GHR: variants seen among roughly 807,000 people sequenced by gnomAD.
The protein encoded by GHR is GH receptor.
In GHR, 35 loss-of-function variants were observed where a neutral mutation model predicts 67.1. That is an observed-to-expected ratio of 0.52 (90% CI 0.40 to 0.69). GHR has a LOEUF of 0.69. GHR is among the 30% of genes least tolerant of loss of function. GHR has a pLI of 0.00. For missense variants in GHR, 792 were observed against 764.6 expected, an observed-to-expected ratio of 1.04 and a Z score of -0.42; for synonymous variants, 272 against 269.1, an observed-to-expected ratio of 1.01 and a Z score of -0.10.
rs190314158 is a variant in GHR at position 42,695,014 on chromosome 5, T to C, written c.364T>C (p.Trp122Arg). The change falls in exon 5 of 10, where the codon TGG becomes CGG. Residue 122 changes from tryptophan to arginine, a missense_variant. Trp to Arg is a moderately radical substitution (Grantham distance 101). Transcript: ENST00000230882. ...CTTTAATTCATCGTTTACCTCCATCTGGATACCTTATTGTATCAAGCTAAC... is the reference window on the plus strand; with the variant it reads ...CTTTAATTCATCGTTTACCTCCATCCGGATACCTTATTGTATCAAGCTAAC... Reference protein sequence around the residue: ...CYFNSSFTSIWIPYCIKLTSN... With the variant: ...CYFNSSFTSIRIPYCIKLTSN... 1.9e-6 allele frequency: 3 copies of C among 1,609,910 alleles called. No homozygotes were observed. Among genetic ancestry groups the C allele is most frequent in the Non-Finnish European group, 1.7e-6 (2 of 1,176,178 alleles).
At chr5:42,439,522 G>A (rs905116166) in intron 1 of GHR, among the ~76,000 whole-genome samples, 22 of 152,186 alleles carry the variant, frequency 1.4e-4, no homozygotes, top group African/African-American at 5.1e-4. Context: ...CTTGGACTTT[G>A]ATTAATATCT....
intron 2 of GHR, among the ~76,000 whole-genome samples, chr5:42,571,459 C>T (rs902280672): frequency 6.6e-5 from 10 of 152,152 alleles, no homozygotes; most frequent in African/African-American, 2.4e-4. Context: ...TTTGTCATTG[C>T]TAGAGTATGT....
At chr5:42,477,952 C>T (rs908648155) in intron 1 of GHR, among the ~76,000 whole-genome samples, 26 of 151,910 alleles carry the variant, frequency 1.7e-4, no homozygotes, top group Non-Finnish European at 3.5e-4. Flanking sequence ...ACATGAAGTC[C>T]TTGCCCATGC....
At chr5:42,697,830 TAG>T (rs1757751746) in intron 5 of GHR, among the ~76,000 whole-genome samples, 1 of 151,922 alleles carries the variant, frequency 6.6e-6, no homozygotes, top group African/African-American at 2.4e-5. Context: ...GCATGGAGAA[TAG>T]ACTGGAGGGG....
chr5:42,628,115 C>T (rs1362409666), intron 2 of GHR, among the ~76,000 whole-genome samples: 1 of 152,164 alleles, frequency 6.6e-6, no homozygotes. Flanking sequence ...CTCTCTCTGC[C>T]GCATCATTTC....
intron 1 of GHR, among the ~76,000 whole-genome samples, chr5:42,560,226 G>A (rs933925734): frequency 1.3e-5 from 2 of 152,060 alleles, no homozygotes; most frequent in African/African-American, 2.4e-5. Context: ...ACAGAGTCTC[G>A]CTCTGTTGCC....
chr5:42,548,316 G>T (rs1021755086), intron 1 of GHR: 9 of 985,120 alleles, frequency 9.1e-6, no homozygotes, highest in Non-Finnish European at 9.6e-6. Context: ...AGAATTTAGA[G>T]ATTAATACAT....
chr5:42,564,424 G>A (rs1749814336), intron 1 of GHR, among the ~76,000 whole-genome samples: 1 of 152,052 alleles, frequency 6.6e-6, no homozygotes, highest in Admixed American at 6.5e-5. Context: ...CTCACAAAGT[G>A]TGTTCATCTG....
intron 1 of GHR, among the ~76,000 whole-genome samples, chr5:42,474,855 TACA>T (rs1245402256): frequency 6.6e-5 from 10 of 150,812 alleles, no homozygotes; most frequent in Admixed American, 5.9e-4. Context: ...AATAATTTTC[TACA>T]ACATTTTTTT....
chr5:42,572,633 C>A (rs1437912873), intron 2 of GHR, among the ~76,000 whole-genome samples: 1 of 152,136 alleles, frequency 6.6e-6, no homozygotes, highest in East Asian at 1.9e-4. Context: ...TTTTCTTGTC[C>A]CTTGTTCCCA....
intron 3 of GHR, among the ~76,000 whole-genome samples, chr5:42,685,514 G>T (rs1377431093): frequency 6.6e-6 from 1 of 152,188 alleles, no homozygotes; most frequent in Non-Finnish European, 1.5e-5. Context: ...TTGAGGAATT[G>T]CCACACTGTC....
At chr5:42,510,548 C>T (rs1025577557) in intron 1 of GHR, among the ~76,000 whole-genome samples, 9 of 152,118 alleles carry the variant, frequency 5.9e-5, no homozygotes, top group East Asian at 3.8e-4. Flanking sequence ...GGTAAAATTA[C>T]GATTGGAATA....
chr5:42,555,780 C>G, intron 1 of GHR, among the ~76,000 whole-genome samples: 1 of 152,184 alleles, frequency 6.6e-6, no homozygotes, highest in East Asian at 1.9e-4. Flanking sequence ...GAGTGAGACA[C>G]AGCTACTGCT....
At chr5:42,532,542 A>G (rs1338027963) in intron 1 of GHR, among the ~76,000 whole-genome samples, 6 of 152,126 alleles carry the variant, frequency 3.9e-5, no homozygotes, top group African/African-American at 1.4e-4. Flanking sequence ...TACCTTCCCC[A>G]GTCTCATTAT....
chr5:42,511,985 G>A (rs918123539), intron 1 of GHR, among the ~76,000 whole-genome samples: 4 of 152,160 alleles, frequency 2.6e-5, no homozygotes, highest in African/African-American at 9.7e-5. Context: ...TCCACAGACT[G>A]CAGATAGACC....
chr5:42,535,937 G>A (rs940845017), intron 1 of GHR, among the ~76,000 whole-genome samples: 18 of 151,998 alleles, frequency 1.2e-4, no homozygotes, highest in Admixed American at 9.8e-4. Context: ...TGTAAAAGGG[G>A]TTGAGTTCTT....
chr5:42,537,837 C>CCA (rs1265114229), intron 1 of GHR, among the ~76,000 whole-genome samples: 2 of 152,132 alleles, frequency 1.3e-5, no homozygotes, highest in Non-Finnish European at 2.9e-5. Context: ...TTTGGAACCT[C>CCA]CAGTGTTAGG....
chr5:42,506,065 AC>A (rs1482248111), intron 1 of GHR, among the ~76,000 whole-genome samples: 1 of 152,196 alleles, frequency 6.6e-6, no homozygotes, highest in East Asian at 1.9e-4. Context: ...TTTATTTAGG[AC>A]TTGCTCTGGA....
chr5:42,475,945 A>G (rs55853875), intron 1 of GHR, among the ~76,000 whole-genome samples: 4 of 149,658 alleles, frequency 2.7e-5, no homozygotes, highest in Non-Finnish European at 3.0e-5. Flanking sequence ...TCGCTCTGTC[A>G]CCAGGCTGGA....
Sources: allele counts gnomAD v4.1 joint callset (sites outside exome capture counted in the v4.1 genomes callset), GRCh38; gene constraint gnomAD v4.1.1; transcripts MANE v1.5; gene names NCBI Gene and HGNC (gene_info 2026-07-23, HGNC 2026-07-21).